The following YWHAQ variants were observed in gnomAD, a reference collection of about 807,000 sequenced individuals.
YWHAQ encodes 14-3-3 protein theta.
Under a neutral mutation model 28.3 loss-of-function variants are expected in YWHAQ, and 6 were observed. The observed-to-expected ratio is 0.21, with a 90% CI of 0.12 to 0.42. The LOEUF (loss-of-function observed/expected upper bound fraction) is 0.42, where lower values mean the gene tolerates loss of function less well. YWHAQ is among the 10% of genes least tolerant of loss of function. YWHAQ has a pLI of 1.00. For missense variants in YWHAQ, 201 were observed against 305.6 expected (o/e 0.66, Z 2.55); for synonymous variants, 143 against 119.1 (o/e 1.20, Z -1.31).
chr2:9,600,804 G>A (rs1666677878), intron 2 of YWHAQ, among the ~76,000 whole-genome samples: 2 of 152,010 alleles, frequency 1.3e-5, no homozygotes, highest in South Asian at 2.1e-4. Flanking sequence ...CAATTGCCAC[G>A]GCCACCCCCA....
chr2:9,600,710 A>G (rs1172364713), intron 2 of YWHAQ, among the ~76,000 whole-genome samples: 4 of 151,920 alleles, frequency 2.6e-5, no homozygotes, highest in African/African-American at 9.7e-5. Flanking sequence ...TGTCTCAAAA[A>G]AAAAGAAAAA....
chr2:9,602,897 A>C (rs1572994475), intron 2 of YWHAQ, among the ~76,000 whole-genome samples: 1 of 106,476 alleles, frequency 9.4e-6, no homozygotes. Context: ...ATATATATAT[A>C]TATATAGTAG....
intron 2 of YWHAQ, among the ~76,000 whole-genome samples, chr2:9,591,892 G>A (rs1051356275): frequency 6.6e-6 from 1 of 152,196 alleles, no homozygotes; most frequent in African/African-American, 2.4e-5. Flanking sequence ...GAAGCTCACC[G>A]TCTGTAAGTA....
intron 2 of YWHAQ, among the ~76,000 whole-genome samples, chr2:9,622,124 T>C (rs1239529111): frequency 1.3e-5 from 2 of 151,524 alleles, no homozygotes; most frequent in East Asian, 1.9e-4. Context: ...CCATGGCACA[T>C]GTATACCTAT....
chr2:9,624,553 T>C (rs975893673), intron 2 of YWHAQ, among the ~76,000 whole-genome samples: 3 of 152,030 alleles, frequency 2.0e-5, no homozygotes, highest in African/African-American at 7.2e-5. Context: ...TTGGGGAGTG[T>C]CCTGTGCACC....
chr2:9,618,574 A>G (rs1667081202), intron 2 of YWHAQ, among the ~76,000 whole-genome samples: 1 of 152,198 alleles, frequency 6.6e-6, no homozygotes, highest in East Asian at 1.9e-4. Flanking sequence ...TGGCAGGAAG[A>G]CGGATCACTG....
intron 2 of YWHAQ, among the ~76,000 whole-genome samples, chr2:9,622,732 T>C (rs550191526): frequency 1.3e-5 from 2 of 152,362 alleles, no homozygotes; most frequent in South Asian, 2.1e-4. Flanking sequence ...CCAATTACTC[T>C]GAAGTCCTAG....
At chr2:9,587,718 T>A (rs191027866) in intron 4 of YWHAQ, among the ~76,000 whole-genome samples, 4 of 152,352 alleles carry the variant, frequency 2.6e-5, no homozygotes, top group Admixed American at 1.3e-4. Context: ...TAAACAAGCA[T>A]GTCTTGGTTC....
At chr2:9,615,992 T>C (rs1667034367) in intron 2 of YWHAQ, among the ~76,000 whole-genome samples, 1 of 152,206 alleles carries the variant, frequency 6.6e-6, no homozygotes, top group South Asian at 2.1e-4. Flanking sequence ...CTATAATTTG[T>C]AACTATAGAA....
At chr2:9,627,823 ACT>A (rs1667279172) in intron 2 of YWHAQ, among the ~76,000 whole-genome samples, 1 of 151,980 alleles carries the variant, frequency 6.6e-6, no homozygotes, top group Non-Finnish European at 1.5e-5. Context: ...ACACCGACAC[ACT>A]GTTCCCCGAA....
chr2:9,591,607 A>C (rs1389705903), intron 2 of YWHAQ, 92 bp from the exon 3 acceptor site: 1 of 1,458,534 alleles, frequency 6.9e-7, no homozygotes, highest in East Asian at 2.3e-5. Flanking sequence ...CGGGCATTTC[A>C]ATCATTTACT....
rs1666308291 is a variant in YWHAQ at position 9,584,663 on chromosome 2, A to G, written c.*623T>C. On this transcript the variant is annotated 3_prime_UTR_variant, in exon 6 of 6. Coordinates refer to ENST00000238081, the MANE Select transcript of YWHAQ (RefSeq NM_006826.4). ...GGGAGGGGAGGTTGGCAACTTAAACAGCAGCAAATAAAGAGTGAATAAGGA... is the reference window on the plus strand; with the variant it reads ...GGGAGGGGAGGTTGGCAACTTAAACGGCAGCAAATAAAGAGTGAATAAGGA... The G allele has an allele frequency of 6.5e-6, 1 of 152,676 alleles. No homozygotes were observed. Among genetic ancestry groups the G allele is most frequent in the Non-Finnish European group, 1.5e-5 (1 of 68,056 alleles). The allele number at this position is 152,676 out of a possible 1,614,324, so 9.5% of individuals were successfully genotyped here. A position where few individuals can be genotyped will look rare whatever the true frequency, so the allele number is the denominator to read the frequency against.
chr2:9,610,045 G>A (rs561059293), intron 2 of YWHAQ, among the ~76,000 whole-genome samples: 1 of 152,276 alleles, frequency 6.6e-6, no homozygotes, highest in Admixed American at 6.5e-5. Context: ...AATTTTGGAG[G>A]ACAGTTACAT....
At chr2:9,598,748 G>A (rs1250447923) in intron 2 of YWHAQ, among the ~76,000 whole-genome samples, 2 of 152,070 alleles carry the variant, frequency 1.3e-5, no homozygotes, top group African/African-American at 2.4e-5. Context: ...CAACAATGGG[G>A]TGCTCCCAAT....
At chr2:9,602,199 T>C (rs1297850963) in intron 2 of YWHAQ, among the ~76,000 whole-genome samples, 1 of 152,014 alleles carries the variant, frequency 6.6e-6, no homozygotes, top group East Asian at 1.9e-4. Flanking sequence ...GGCCAAGGAA[T>C]GAGGATCACT....
chr2:9,614,084 C>CCT (rs1242444403), intron 2 of YWHAQ, among the ~76,000 whole-genome samples: 1 of 152,184 alleles, frequency 6.6e-6, no homozygotes. Flanking sequence ...GGCTCCTATG[C>CCT]TATATCCCCA....
At chr2:9,598,076 C>T (rs991663445) in intron 2 of YWHAQ, among the ~76,000 whole-genome samples, 3 of 147,160 alleles carry the variant, frequency 2.0e-5, no homozygotes, top group East Asian at 2.0e-4. Context: ...TCAGGTGGTC[C>T]GCCTGCCTTG....
chr2:9,596,797 G>A lies in YWHAQ; in HGVS notation c.295-5282C>T, dbSNP rs1026434654. On this transcript the variant is annotated intron_variant, in intron 2 of 5. Transcript: ENST00000238081. ...AGCTCACCTGCATCCTTCGCCTCCC[G>A]GTTCAAGCGATTCTTTGGCCTCAGC... 7.9e-5 allele frequency among the ~76,000 whole-genome samples: 12 copies of A among 151,902 alleles called. No homozygotes were observed. In the South Asian group the frequency reaches 2.1e-3, roughly 26 times the overall value.
rs1666449731 is a variant in YWHAQ, at chr2:9,591,275, A to G, written c.418+117T>C. ...AAGGTAATACTAATTTTCTTGACAT[A>G]CATTCAATTATTAAGTCACAAAGAG... On this transcript the variant is annotated intron_variant, in intron 3 of 5. Coordinates refer to ENST00000238081, the MANE Select transcript of YWHAQ (RefSeq NM_006826.4). 5 of 1,244,098 alleles carry G rather than the reference A, an allele frequency of 4.0e-6. No individual in the cohort carries two copies. The Admixed American group carries it at 1.0e-4, about 25-fold the overall frequency. The allele number at this position is 1,244,098 out of a possible 1,614,324, so 77.1% of individuals were successfully genotyped here. A position where few individuals can be genotyped will look rare whatever the true frequency, so the allele number is the denominator to read the frequency against.
Sources: gnomAD v4.1 joint callset for allele counts (sites outside exome capture counted in the v4.1 genomes callset) on GRCh38, gnomAD v4.1.1 for gene constraint, MANE v1.5 for transcripts, NCBI Gene and HGNC (gene_info 2026-07-23, HGNC 2026-07-21) for gene names.